XKR4: variants seen among roughly 807,000 people sequenced by gnomAD.
XKR4 encodes XK-related protein 4.
Under a neutral mutation model 53.9 loss-of-function variants are expected in XKR4, and 12 were observed. The ratio of observed to expected loss-of-function variants is 0.22; its 90% CI spans 0.14 to 0.36. The LOEUF (loss-of-function observed/expected upper bound fraction) is 0.36, where lower values mean the gene tolerates loss of function less well. XKR4 is among the 10% of genes least tolerant of loss of function. XKR4 has a pLI of 1.00. For missense variants in XKR4, 799 were observed against 859.5 expected, an observed-to-expected ratio of 0.93 and a Z score of 0.88; for synonymous variants, 354 against 362.4, an observed-to-expected ratio of 0.98 and a Z score of 0.26.
intron 1 of XKR4, among the ~76,000 whole-genome samples, chr8:55,330,914 T>C (rs1312363081): frequency 6.6e-6 from 1 of 152,188 alleles, no homozygotes; most frequent in African/African-American, 2.4e-5. Flanking sequence ...GTCCATGGAA[T>C]CATTTGCTTG....
intron 1 of XKR4, among the ~76,000 whole-genome samples, chr8:55,299,999 G>A (rs1442146368): frequency 6.6e-6 from 1 of 152,140 alleles, no homozygotes; most frequent in African/African-American, 2.4e-5. Flanking sequence ...GGAGGGGAGG[G>A]AGCATGACTA....
At position 55,532,002 on chromosome 8, in the gene XKR4, TGAGTGATTG is replaced by T. The variant is rs927043091; in HGVS notation, c.*7777_*7785del. ...CTTTGGACCCGATTGCATTCTCTCC[TGAGTGATTG>T]GCTTCCCACATATATAAGCAGCAGA... On this transcript the variant is annotated 3_prime_UTR_variant, in exon 3 of 3. Coordinates refer to ENST00000327381, the MANE Select transcript of XKR4 (RefSeq NM_052898.2). 1 of 152,272 alleles carries T rather than the reference TGAGTGATTG, an allele frequency of 6.6e-6. No homozygotes were observed. Among genetic ancestry groups the T allele is most frequent in the Non-Finnish European group, 1.5e-5 (1 of 68,042 alleles). The allele number at this position is 152,272 out of a possible 1,614,324, so 9.4% of individuals were successfully genotyped here.
chr8:55,291,154 T>C (rs1490606228), intron 1 of XKR4, among the ~76,000 whole-genome samples: 1 of 152,218 alleles, frequency 6.6e-6, no homozygotes, highest in East Asian at 1.9e-4. Context: ...CTTTTATATC[T>C]TTGTCAAAAA....
intron 1 of XKR4, among the ~76,000 whole-genome samples, chr8:55,259,618 G>T (rs920001008): frequency 6.6e-6 from 1 of 152,138 alleles, no homozygotes; most frequent in Non-Finnish European, 1.5e-5. Context: ...TGAGGGTGAA[G>T]CACATTCCTG....
intron 1 of XKR4, among the ~76,000 whole-genome samples, chr8:55,186,384 T>A (rs192125481): frequency 1.3e-5 from 2 of 152,176 alleles, no homozygotes; most frequent in Non-Finnish European, 2.9e-5. Flanking sequence ...GGCCGGGCGC[T>A]GTGGCTCATG....
intron 2 of XKR4, among the ~76,000 whole-genome samples, chr8:55,509,817 T>C (rs1016358373): frequency 7.9e-5 from 12 of 152,308 alleles, no homozygotes; most frequent in Admixed American, 7.2e-4. Flanking sequence ...GATCATCTGT[T>C]CTTTCGGCAA....
intron 2 of XKR4, chr8:55,455,015 G>C: frequency 1.3e-6 from 1 of 774,212 alleles, no homozygotes; most frequent in Non-Finnish European, 2.3e-6. Context: ...AAACAGCTGG[G>C]GGAATGGGTT....
intron 2 of XKR4, among the ~76,000 whole-genome samples, chr8:55,494,074 C>T (rs1011185929): frequency 5.9e-5 from 9 of 152,374 alleles, no homozygotes; most frequent in Admixed American, 1.3e-4. Flanking sequence ...CTAGATCCCA[C>T]GCCTGCCAAG....
At chr8:55,316,435 G>A (rs949405133) in intron 1 of XKR4, among the ~76,000 whole-genome samples, 5 of 152,172 alleles carry the variant, frequency 3.3e-5, no homozygotes, top group African/African-American at 1.2e-4. Context: ...GTCATGAGTT[G>A]TCTAGATATA....
chr8:55,521,713 T>G (rs1187122141), intron 2 of XKR4, among the ~76,000 whole-genome samples: 1 of 152,238 alleles, frequency 6.6e-6, no homozygotes, highest in Non-Finnish European at 1.5e-5. Flanking sequence ...TCAACGAGGA[T>G]GTATCAGAAA....
chr8:55,316,137 CCCCCTCCAAAGTAA>C lies in XKR4; in HGVS notation c.807-41539_807-41526del, dbSNP rs59346468. Among the ~76,000 whole-genome samples the C allele has an allele frequency of 4.8e-3, 727 of 152,290 alleles. 6 individuals carry two copies. The highest frequency in any genetic ancestry group is 0.016 in the African/African-American group (661 of 41,558). On this transcript the variant is annotated intron_variant, in intron 1 of 2. Transcript: ENST00000327381. ...TTTCAGATGAACCCATTCAATGTGG[CCCCCTCCAAAGTAA>C]CAGTGACAGCTCACGCTAATAATTT...
chr8:55,424,071 A>G (rs1337544706), intron 2 of XKR4, among the ~76,000 whole-genome samples: 1 of 152,220 alleles, frequency 6.6e-6, no homozygotes, highest in African/African-American at 2.4e-5. Context: ...GAGGGAGCTT[A>G]TCTGTAGGAG....
chr8:55,322,334 A>C (rs967396003), intron 1 of XKR4, among the ~76,000 whole-genome samples: 1 of 152,156 alleles, frequency 6.6e-6, no homozygotes, highest in East Asian at 1.9e-4. Context: ...TCTTATGTCC[A>C]TATGTATTTG....
At chr8:55,451,728 G>T in intron 2 of XKR4, 1 of 1,248,552 alleles carries the variant, frequency 8.0e-7, no homozygotes, top group Non-Finnish European at 1.2e-6. Flanking sequence ...CCAGAGAAAT[G>T]CGGAAGGATT....
At chr8:55,466,782 T>C (rs1042504215) in intron 2 of XKR4, among the ~76,000 whole-genome samples, 1 of 152,184 alleles carries the variant, frequency 6.6e-6, no homozygotes, top group Non-Finnish European at 1.5e-5. Context: ...TTTTAGGTTG[T>C]TTCTGGTCTT....
At chr8:55,432,625 G>A (rs762391412) in intron 2 of XKR4, among the ~76,000 whole-genome samples, 19 of 152,138 alleles carry the variant, frequency 1.2e-4, no homozygotes, top group African/African-American at 3.6e-4. Context: ...ATATGAAAAC[G>A]TTTTGAAGAA....
At chr8:55,216,427 A>G (rs1817799441) in intron 1 of XKR4, among the ~76,000 whole-genome samples, 1 of 152,176 alleles carries the variant, frequency 6.6e-6, no homozygotes, top group Non-Finnish European at 1.5e-5. Flanking sequence ...TTAAAATATA[A>G]TAAAAATTGT....
intron 1 of XKR4, among the ~76,000 whole-genome samples, chr8:55,348,237 A>G (rs1803676695): frequency 6.6e-6 from 1 of 152,104 alleles, no homozygotes; most frequent in Non-Finnish European, 1.5e-5. Context: ...ATGAGGGGGG[A>G]AAAGACCAGC....
intron 2 of XKR4, among the ~76,000 whole-genome samples, chr8:55,392,184 C>A (rs1804453224): frequency 1.3e-5 from 2 of 152,234 alleles, no homozygotes; most frequent in South Asian, 4.1e-4. Flanking sequence ...AAAATGACAA[C>A]CCAACTGCAA....
Sources: gnomAD v4.1 joint callset for allele counts (sites outside exome capture counted in the v4.1 genomes callset) on GRCh38, gnomAD v4.1.1 for gene constraint, MANE v1.5 for transcripts, NCBI Gene and HGNC (gene_info 2026-07-23, HGNC 2026-07-21) for gene names.